CCDC171: variants seen among roughly 807,000 people sequenced by gnomAD.
CCDC171 encodes the protein coiled-coil domain-containing protein 171.
Under a neutral mutation model 168.2 loss-of-function variants are expected in CCDC171, and 177 were observed. That is an observed-to-expected ratio of 1.05 (90% CI 0.93 to 1.19). CCDC171 has a LOEUF of 1.19. CCDC171 is among the 50% of genes most tolerant of loss of function. CCDC171 has a pLI of 0.00. For missense variants in CCDC171, 1,991 were observed against 1,539.0 expected (o/e 1.29, Z -4.91); for synonymous variants, 687 against 540.8 (o/e 1.27, Z -3.75).
chr9:15,976,535 ATTGT>A (rs1323753178), downstream of CCDC171, among the ~76,000 whole-genome samples: 1 of 151,962 alleles, frequency 6.6e-6, no homozygotes, highest in Non-Finnish European at 1.5e-5. Context: ...ACTTTAAATG[ATTGT>A]TTTTATTTTA....
intron 4 of CCDC171, among the ~76,000 whole-genome samples, chr9:15,582,543 A>C (rs1025624758): frequency 6.6e-6 from 1 of 152,198 alleles, no homozygotes; most frequent in Non-Finnish European, 1.5e-5. Context: ...ATGGCCATCA[A>C]TGATAGATTG....
intron 6 of CCDC171, among the ~76,000 whole-genome samples, chr9:16,027,572 C>T (rs987148831): frequency 3.9e-5 from 6 of 152,174 alleles, no homozygotes; most frequent in Non-Finnish European, 5.9e-5. Context: ...AATGGAAAGG[C>T]GCTTGTGTAT....
At chr9:15,575,440 C>A (rs994343331) in intron 3 of CCDC171, among the ~76,000 whole-genome samples, 2 of 152,064 alleles carry the variant, frequency 1.3e-5, no homozygotes, top group Admixed American at 6.5e-5. Flanking sequence ...TCCCAAAGTG[C>A]TGGGACAACA....
intron 3 of CCDC171, among the ~76,000 whole-genome samples, chr9:16,017,369 G>C (rs963597680): frequency 6.6e-6 from 1 of 151,756 alleles, no homozygotes; most frequent in African/African-American, 2.4e-5. Flanking sequence ...TGTTACTATG[G>C]CCAGTCACAT....
intron 25 of CCDC171, among the ~76,000 whole-genome samples, chr9:15,969,833 A>T (rs1831168724): frequency 6.6e-6 from 1 of 152,168 alleles, no homozygotes; most frequent in Non-Finnish European, 1.5e-5. Flanking sequence ...ACTGCTAAAA[A>T]ATGATTCTAG....
chr9:15,557,907 G>A (rs750583010), intron 1 of CCDC171, among the ~76,000 whole-genome samples: 46 of 152,086 alleles, frequency 3.0e-4, no homozygotes, highest in South Asian at 2.1e-4. Context: ...TTTGAGATAC[G>A]TCCCATCAAT....
rs1025018588 is a variant in CCDC171, at chr9:15,882,460, C to T, written c.3600+7797C>T. Reference sequence around the variant, plus strand: ...TTTAACTTGATGTAATCCCATTTTTCTATTTTTGGCTTGGTTGTCTGTGTT... The same window carrying T: ...TTTAACTTGATGTAATCCCATTTTTTTATTTTTGGCTTGGTTGTCTGTGTT... On this transcript the variant is annotated intron_variant, in intron 24 of 25. Coordinates refer to ENST00000380701, the MANE Select transcript of CCDC171 (RefSeq NM_173550.4). 2.0e-5 allele frequency among the ~76,000 whole-genome samples: 3 copies of T among 152,020 alleles called. No homozygotes were observed. The East Asian group carries it at 5.8e-4, about 29-fold the overall frequency.
intron 3 of CCDC171, among the ~76,000 whole-genome samples, chr9:15,573,743 A>C (rs1022711955): frequency 5.9e-5 from 9 of 152,054 alleles, no homozygotes; most frequent in African/African-American, 2.2e-4. Flanking sequence ...TATTAGTGTG[A>C]TGATAATCAT....
At chr9:15,616,164 T>G (rs959350439) in intron 6 of CCDC171, among the ~76,000 whole-genome samples, 4 of 151,920 alleles carry the variant, frequency 2.6e-5, no homozygotes, top group Non-Finnish European at 5.9e-5. Flanking sequence ...GTTGGCCAGG[T>G]TGGTCTCGAA....
chr9:15,947,771 G>T (rs1330947890), intron 25 of CCDC171, among the ~76,000 whole-genome samples: 1 of 151,190 alleles, frequency 6.6e-6, no homozygotes, highest in South Asian at 2.1e-4. Flanking sequence ...TTTTTTCCCA[G>T]TGGTTCATAA....
chr9:15,703,006 C>A (rs1055358791), intron 11 of CCDC171, among the ~76,000 whole-genome samples: 2 of 151,772 alleles, frequency 1.3e-5, no homozygotes, highest in Non-Finnish European at 2.9e-5. Flanking sequence ...TGGGTTCAAG[C>A]GATTCTCCTG....
chr9:15,759,647 G>A (rs1260804056), intron 18 of CCDC171, among the ~76,000 whole-genome samples: 2 of 152,070 alleles, frequency 1.3e-5, no homozygotes, highest in Admixed American at 6.5e-5. Flanking sequence ...ATATCCCTTA[G>A]TTTTGATTTG....
the CCDC171 span, among the ~76,000 whole-genome samples, chr9:16,084,779 CTTCAT>C: frequency 2.0e-5 from 3 of 152,076 alleles, no homozygotes; most frequent in African/African-American, 7.2e-5. Flanking sequence ...AACCCAATTC[CTTCAT>C]TTAACAGATG....
intron 21 of CCDC171, among the ~76,000 whole-genome samples, chr9:15,785,494 T>G (rs1485885043): frequency 1.3e-5 from 2 of 152,074 alleles, no homozygotes; most frequent in African/African-American, 4.8e-5. Context: ...ATAGCCAAAA[T>G]TTATTGTTAA....
At chr9:16,103,796 GC>G in the CCDC171 span, among the ~76,000 whole-genome samples, 3 of 152,156 alleles carry the variant, frequency 2.0e-5, no homozygotes, top group Admixed American at 6.5e-5. Flanking sequence ...AGGGGGGCCT[GC>G]CCCCCAGTGA....
chr9:15,601,518 T>C (rs781335291), intron 6 of CCDC171, among the ~76,000 whole-genome samples: 7 of 152,190 alleles, frequency 4.6e-5, no homozygotes, highest in Non-Finnish European at 1.0e-4. Context: ...ATTAGTTCAT[T>C]TACTCGTTCA....
intron 3 of CCDC171, among the ~76,000 whole-genome samples, chr9:15,998,902 G>A (rs1381445738): frequency 6.6e-6 from 1 of 152,186 alleles, no homozygotes; most frequent in African/African-American, 2.4e-5. Context: ...GGTCTGTACT[G>A]TAGCAACTTG....
At chr9:15,861,342 C>A (rs528298972) in intron 23 of CCDC171, among the ~76,000 whole-genome samples, 21 of 151,262 alleles carry the variant, frequency 1.4e-4, no homozygotes, top group African/African-American at 3.6e-4. Flanking sequence ...TTTATTATTG[C>A]CATTTTGTTC....
At chr9:15,793,774 C>T (rs1268309763) in intron 21 of CCDC171, among the ~76,000 whole-genome samples, 1 of 151,780 alleles carries the variant, frequency 6.6e-6, no homozygotes, top group Non-Finnish European at 1.5e-5. Flanking sequence ...GTCTCGATCT[C>T]CTCACCTCGT....
Sources: allele counts gnomAD v4.1 joint callset (sites outside exome capture counted in the v4.1 genomes callset), GRCh38; gene constraint gnomAD v4.1.1; transcripts MANE v1.5; gene names NCBI Gene and HGNC (gene_info 2026-07-23, HGNC 2026-07-21).